The following WDFY2 variants were observed in gnomAD, a reference collection of about 807,000 sequenced individuals.
The protein encoded by WDFY2 is WD repeat and FYVE domain-containing protein 2.
In WDFY2, 36 loss-of-function variants were observed where a neutral mutation model predicts 56.4. The ratio of observed to expected loss-of-function variants is 0.64; its 90% confidence interval spans 0.49 to 0.84. The LOEUF (loss-of-function observed/expected upper bound fraction) is 0.84, where lower values mean the gene tolerates loss of function less well. WDFY2 is among the 40% of genes least tolerant of loss of function. The pLI, the probability that WDFY2 is intolerant of heterozygous loss-of-function variation, is 0.00. For missense variants in WDFY2, 444 were observed against 512.2 expected (o/e 0.87, Z 1.29); for synonymous variants, 176 against 183.7 (o/e 0.96, Z 0.34).
intron 2 of WDFY2, among the ~76,000 whole-genome samples, chr13:51,672,240 G>T (rs144597914): frequency 0.011 from 1,625 of 152,238 alleles, 19 homozygotes; most frequent in Non-Finnish European, 0.016. Context: ...TGAGAGATGG[G>T]GATCCAGTTT....
At chr13:51,694,665 G>C (rs1182768239) in intron 3 of WDFY2, among the ~76,000 whole-genome samples, 2 of 152,066 alleles carry the variant, frequency 1.3e-5, no homozygotes, top group Admixed American at 1.3e-4. Context: ...GTGTCTTGGA[G>C]TTGCTCTTCT....
At chr13:51,600,298 G>C (rs1954247365) in intron 1 of WDFY2, among the ~76,000 whole-genome samples, 1 of 152,194 alleles carries the variant, frequency 6.6e-6, no homozygotes, top group Admixed American at 6.5e-5. Context: ...ACAGAAACCA[G>C]CTCTGGCATT....
At chr13:51,625,214 G>A (rs1461351965) in intron 1 of WDFY2, among the ~76,000 whole-genome samples, 1 of 152,166 alleles carries the variant, frequency 6.6e-6, no homozygotes, top group African/African-American at 2.4e-5. Context: ...GGTAAGGTCT[G>A]GATATACTTT....
intron 1 of WDFY2, among the ~76,000 whole-genome samples, chr13:51,653,129 G>T (rs999199155): frequency 2.0e-4 from 31 of 152,134 alleles, no homozygotes; most frequent in African/African-American, 2.7e-4. Flanking sequence ...TCTCTAAACT[G>T]CTCTTCTTGC....
At chr13:51,678,466 T>C (rs955774409) in intron 3 of WDFY2, among the ~76,000 whole-genome samples, 3 of 152,226 alleles carry the variant, frequency 2.0e-5, no homozygotes, top group East Asian at 1.9e-4. Context: ...CCATTCAAAA[T>C]GTTTTTCAAA....
At chr13:51,707,235 C>T (rs1489032296) in intron 4 of WDFY2, among the ~76,000 whole-genome samples, 1 of 152,214 alleles carries the variant, frequency 6.6e-6, no homozygotes, top group Non-Finnish European at 1.5e-5. Context: ...TCTCAACTCA[C>T]TGCAACCTCT....
intron 1 of WDFY2, among the ~76,000 whole-genome samples, chr13:51,632,514 G>T (rs184845032): frequency 1.3e-5 from 2 of 151,888 alleles, no homozygotes; most frequent in African/African-American, 4.8e-5. Context: ...GGGAGATTTC[G>T]TGGAGCAGGT....
Position 51,584,545 on chromosome 13 carries a change from C to T in WDFY2, c.-143C>T. ...GCGGAGTCGTTCCCGAGAGAGGCGG[C>T]CAGGCTATGCTCGCCGGTTTCCGGC... is the stretch of plus-strand genomic sequence containing the variant. On this transcript the variant is annotated 5_prime_UTR_variant, in exon 1 of 12. Transcript: ENST00000298125. The T allele has an allele frequency of 2.5e-6, 3 of 1,188,316 alleles. No homozygotes were observed. The highest frequency in any genetic ancestry group is 2.9e-5 in the Admixed American group (1 of 33,942). The allele number at this position is 1,188,316 out of a possible 1,614,324, so 73.6% of individuals were successfully genotyped here.
intron 1 of WDFY2, among the ~76,000 whole-genome samples, chr13:51,615,309 G>A (rs950879169): frequency 6.6e-6 from 1 of 151,200 alleles, no homozygotes; most frequent in African/African-American, 2.4e-5. Flanking sequence ...CATACAGATA[G>A]TAAAAAATAA....
intron 4 of WDFY2, among the ~76,000 whole-genome samples, chr13:51,709,703 T>C (rs1378531579): frequency 6.6e-6 from 1 of 152,182 alleles, no homozygotes; most frequent in Non-Finnish European, 1.5e-5. Flanking sequence ...GATACATTCC[T>C]GGACACATAC....
intron 1 of WDFY2, among the ~76,000 whole-genome samples, chr13:51,643,452 C>T (rs1464576790): frequency 6.6e-6 from 1 of 152,256 alleles, no homozygotes; most frequent in South Asian, 2.1e-4. Context: ...TAGGATGACA[C>T]AGACCATGCC....
At chr13:51,732,747 G>C (rs1593459881) in intron 6 of WDFY2, among the ~76,000 whole-genome samples, 1 of 152,312 alleles carries the variant, frequency 6.6e-6, no homozygotes, top group East Asian at 1.9e-4. Flanking sequence ...TTTATATAAA[G>C]TGCAGGTCAA....
intron 4 of WDFY2, among the ~76,000 whole-genome samples, chr13:51,716,618 G>A (rs1417622606): frequency 2.7e-5 from 4 of 148,306 alleles, no homozygotes; most frequent in African/African-American, 5.0e-5. Context: ...GCGTGAACCC[G>A]GGAGGCGGAG....
rs141582392 is a variant in WDFY2, at chr13:51,584,801, C to T, written c.114C>T (p.Gly38=). Residue 38 remains glycine, a synonymous_variant, in exon 1 of 12, where the codon GGC becomes GGT. Transcript: ENST00000298125. ...CCGTGATCGTGCCCAAAGAGGAGGG[C>T]GTCATCAGCGTCTCCGAGGACAGGT... ...NMAVIVPKEE[G]VISVSEDRTV... The T allele has an allele frequency of 3.1e-6, 5 of 1,613,716 alleles. No individual in the cohort carries two copies. The African/African-American group carries it at 5.3e-5, about 17-fold the overall frequency.
At chr13:51,706,310 G>A (rs1225824298) in intron 4 of WDFY2, among the ~76,000 whole-genome samples, 1 of 152,206 alleles carries the variant, frequency 6.6e-6, no homozygotes, top group African/African-American at 2.4e-5. Flanking sequence ...AAAACTCAGA[G>A]TGATACACAT....
intron 4 of WDFY2, among the ~76,000 whole-genome samples, chr13:51,716,535 A>G (rs1198461832): frequency 6.6e-6 from 1 of 151,412 alleles, no homozygotes; most frequent in Non-Finnish European, 1.5e-5. Context: ...TACTAAAAAT[A>G]CAAAAAAATT....
intron 10 of WDFY2, among the ~76,000 whole-genome samples, chr13:51,757,985 T>C (rs1953451933): frequency 6.6e-6 from 1 of 152,006 alleles, no homozygotes; most frequent in African/African-American, 2.4e-5. Context: ...TTTTCATCTC[T>C]TTCCCATTTT....
At chr13:51,597,110 T>C (rs2138300837) in intron 1 of WDFY2, among the ~76,000 whole-genome samples, 1 of 152,344 alleles carries the variant, frequency 6.6e-6, no homozygotes, top group African/African-American at 2.4e-5. Context: ...TTTAAAAATG[T>C]TCTACTTTAC....
intron 3 of WDFY2, among the ~76,000 whole-genome samples, chr13:51,684,390 T>C (rs1023953324): frequency 6.6e-6 from 1 of 151,902 alleles, no homozygotes; most frequent in Non-Finnish European, 1.5e-5. Flanking sequence ...TTTTTAAGTT[T>C]AGTAAACCCT....
Sources: allele counts gnomAD v4.1 joint callset (sites outside exome capture counted in the v4.1 genomes callset), GRCh38; gene constraint gnomAD v4.1.1; transcripts MANE v1.5; gene names NCBI Gene and HGNC (gene_info 2026-07-23, HGNC 2026-07-21).